The following MLIP variants were observed in gnomAD, a reference collection of about 807,000 sequenced individuals.
MLIP encodes the protein muscular LMNA interacting protein, also known as muscular LMNA-interacting protein.
Under a neutral mutation model 84.8 loss-of-function variants are expected in MLIP, and 79 were observed. The ratio of observed to expected loss-of-function variants is 0.93; its 90% CI spans 0.78 to 1.12. The LOEUF is 1.12. Among genes scored for constraint, MLIP ranks in the 50% most tolerant of loss-of-function variants. MLIP has a pLI of 0.00. For synonymous variants in MLIP, 504 were observed against 463.0 expected (o/e 1.09, Z -1.14); for missense variants, 1,257 against 1,160.6 (o/e 1.08, Z -1.21).
At chr6:54,252,777 G>A (rs545563592) in intron 12 of MLIP, among the ~76,000 whole-genome samples, 442 of 151,658 alleles carry the variant, frequency 2.9e-3, no homozygotes, top group African/African-American at 1.0e-2. Context: ...AAAACAAACC[G>A]GCATGTATGA....
At chr6:54,215,123 G>A (rs1227964173) in intron 11 of MLIP, 45 of 1,527,548 alleles carry the variant, frequency 2.9e-5, no homozygotes, top group Non-Finnish European at 3.5e-5. Flanking sequence ...ACTAAAAGCT[G>A]TCCACTTTAC....
intron 1 of MLIP, among the ~76,000 whole-genome samples, chr6:54,023,368 G>C (rs1293511422): frequency 6.6e-6 from 1 of 151,590 alleles, no homozygotes; most frequent in East Asian, 1.9e-4. Context: ...TTCTTTAACA[G>C]CATATATCTA....
At chr6:54,019,239 C>A in intron 1 of MLIP, 1 of 760,580 alleles carries the variant, frequency 1.3e-6, no homozygotes, top group Non-Finnish European at 2.2e-6. Context: ...GTTCCATGGG[C>A]TTTCCTGAAA....
At chr6:54,059,750 G>A (rs1002306103) in intron 1 of MLIP, among the ~76,000 whole-genome samples, 16 of 144,616 alleles carry the variant, frequency 1.1e-4, no homozygotes, top group African/African-American at 3.4e-4. Flanking sequence ...TTTAAATAGC[G>A]TTTGGTTATT....
At chr6:54,116,806 G>T (rs1769961726) in intron 1 of MLIP, among the ~76,000 whole-genome samples, 1 of 152,100 alleles carries the variant, frequency 6.6e-6, no homozygotes, top group Non-Finnish European at 1.5e-5. Context: ...GAAAGCTACA[G>T]GCCAATATTC....
At chr6:54,037,888 A>G (rs562380824) in intron 1 of MLIP, among the ~76,000 whole-genome samples, 1 of 152,066 alleles carries the variant, frequency 6.6e-6, no homozygotes, top group South Asian at 2.1e-4. Context: ...TCCTCAGTGA[A>G]CCTGAAATTT....
At chr6:54,110,689 C>T (rs1478384865), upstream of MLIP, among the ~76,000 whole-genome samples, 1 of 152,206 alleles carries the variant, frequency 6.6e-6, no homozygotes, top group Non-Finnish European at 1.5e-5. Context: ...ACACTTTTCA[C>T]TGCCAAAGCA....
At chr6:54,193,209 T>C (rs2150686673) in intron 10 of MLIP, among the ~76,000 whole-genome samples, 1 of 152,290 alleles carries the variant, frequency 6.6e-6, no homozygotes, top group East Asian at 1.9e-4. Flanking sequence ...ACTATTAAAC[T>C]GCACTGCAGT....
At chr6:54,071,954 A>T (rs188351390) in intron 1 of MLIP, among the ~76,000 whole-genome samples, 1 of 152,250 alleles carries the variant, frequency 6.6e-6, no homozygotes, top group East Asian at 1.9e-4. Flanking sequence ...AGTTCCCCTT[A>T]ACTGTTCCAC....
At chr6:54,216,656 C>T (rs1361318545) in intron 11 of MLIP, 3 of 979,940 alleles carry the variant, frequency 3.1e-6, no homozygotes, top group Middle Eastern at 5.2e-4. Flanking sequence ...CTAAATTTTT[C>T]ATACTTCACA....
At chr6:54,143,676 G>A (rs1164925918) in intron 4 of MLIP, among the ~76,000 whole-genome samples, 1 of 152,132 alleles carries the variant, frequency 6.6e-6, no homozygotes, top group Non-Finnish European at 1.5e-5. Flanking sequence ...TTGGAGTGGT[G>A]GAAGGAGGTC....
chr6:54,041,006 A>T (rs1331790103), intron 1 of MLIP: 4 of 152,056 alleles, frequency 2.6e-5, no homozygotes, highest in Non-Finnish European at 5.9e-5. Flanking sequence ...CATACCCCAA[A>T]CCTCAGCATC....
At chr6:54,225,476 T>C (rs1411160826) in intron 11 of MLIP, among the ~76,000 whole-genome samples, 1 of 152,214 alleles carries the variant, frequency 6.6e-6, no homozygotes, top group Admixed American at 6.5e-5. Context: ...CAGTTCATGA[T>C]GACAACTCTA....
At chr6:54,162,398 G>T (rs1052402991) in intron 8 of MLIP, among the ~76,000 whole-genome samples, 1 of 152,052 alleles carries the variant, frequency 6.6e-6, no homozygotes, top group Non-Finnish European at 1.5e-5. Flanking sequence ...ATGATGTTGA[G>T]AAACTGGGTT....
At chr6:54,213,868 G>GT (rs1010472185) in intron 11 of MLIP, among the ~76,000 whole-genome samples, 17 of 151,828 alleles carry the variant, frequency 1.1e-4, no homozygotes, top group Non-Finnish European at 1.5e-5. Context: ...TGTATGCATT[G>GT]TATCTCCACT....
chr6:54,245,325 A>C (rs1304211337), intron 12 of MLIP, among the ~76,000 whole-genome samples: 2 of 152,188 alleles, frequency 1.3e-5, no homozygotes, highest in African/African-American at 2.4e-5. Context: ...ACTTCAGTTC[A>C]AGGCCAGCCT....
intron 13 of MLIP, among the ~76,000 whole-genome samples, chr6:54,263,101 A>C (rs1315063608): frequency 6.6e-6 from 1 of 152,076 alleles, no homozygotes; most frequent in Non-Finnish European, 1.5e-5. Flanking sequence ...AGCAGAAGTC[A>C]GGAACTAAAA....
At chr6:54,146,891 T>A (rs900603943) in intron 4 of MLIP, among the ~76,000 whole-genome samples, 21 of 152,170 alleles carry the variant, frequency 1.4e-4, no homozygotes, top group Non-Finnish European at 2.4e-4. Context: ...AGTGCCTGTG[T>A]CCAAATTCCA....
chr6:54,234,955 A>C (rs1582584003), intron 12 of MLIP, among the ~76,000 whole-genome samples: 1 of 152,042 alleles, frequency 6.6e-6, no homozygotes, highest in Non-Finnish European at 1.5e-5. Flanking sequence ...CTGCTTCTCC[A>C]CTGAGATTCA....
Sources: gnomAD v4.1 joint callset for allele counts (sites outside exome capture counted in the v4.1 genomes callset) on GRCh38, gnomAD v4.1.1 for gene constraint, MANE v1.5 for transcripts, NCBI Gene and HGNC (gene_info 2026-07-23, HGNC 2026-07-21) for gene names.